Variants in EIF3E observed in about 807,000 individuals in gnomAD.
EIF3E encodes the protein eukaryotic translation initiation factor 3 subunit E.
Under a neutral mutation model 59.3 loss-of-function variants are expected in EIF3E, and 25 were observed. That is an observed-to-expected ratio of 0.42 (90% CI 0.31 to 0.59). The LOEUF (loss-of-function observed/expected upper bound fraction) is 0.59, where lower values mean the gene tolerates loss of function less well. Ranked by LOEUF, EIF3E falls within the 20% of genes least tolerant of loss-of-function variation. The pLI is 0.15. For missense variants in EIF3E, 317 were observed against 534.3 expected (o/e 0.59, Z 4.01); for synonymous variants, 176 against 170.2 (o/e 1.03, Z -0.26).
rs1815251752 is a variant in EIF3E, at chr8:108,213,701, C to T, written c.1061+906G>A. Among the ~76,000 whole-genome samples, 8 of 152,124 alleles carry T rather than the reference C, an allele frequency of 5.3e-5. No homozygotes were observed. In the South Asian group the frequency reaches 1.7e-3, roughly 32 times the overall value. On this transcript the variant is annotated intron_variant, in intron 10 of 12. Transcript: ENST00000220849. ...AACCAATTACATTATTAGGAATTTT[C>T]ATGTAATTTGTAAGAGAATCAGGTT... is the stretch of plus-strand genomic sequence containing the variant.
At chr8:108,215,196 A>T (rs1468704982) in intron 9 of EIF3E, among the ~76,000 whole-genome samples, 4 of 152,156 alleles carry the variant, frequency 2.6e-5, no homozygotes, top group Non-Finnish European at 5.9e-5. Context: ...GTCTTTTAAC[A>T]TCAAAACCTA....
intron 10 of EIF3E, among the ~76,000 whole-genome samples, chr8:108,204,731 G>GTA (rs148053969): frequency 0.2 from 17,074 of 86,360 alleles, 2,059 homozygotes; most frequent in Non-Finnish European, 0.27. Flanking sequence ...TAGTATGTAT[G>GTA]TATATATATA....
chr8:108,230,011 C>A (rs552754325), intron 5 of EIF3E, among the ~76,000 whole-genome samples: 12 of 152,166 alleles, frequency 7.9e-5, no homozygotes, highest in Non-Finnish European at 1.5e-4. Context: ...AAGCTGGACT[C>A]CCTCAAAACA....
chr8:108,229,041 G>A (rs1399454870), intron 6 of EIF3E, 29 bp downstream of exon 6: 1 of 1,574,606 alleles, frequency 6.4e-7, no homozygotes, highest in Admixed American at 1.8e-5. Flanking sequence ...AGATATTTCA[G>A]AGAATAACTG....
chr8:108,201,273 C>G lies in EIF3E; in HGVS notation c.*612G>C, dbSNP rs1425838923. On this transcript the variant is annotated 3_prime_UTR_variant, in exon 13 of 13. Coordinates refer to ENST00000220849, the MANE Select transcript of EIF3E (RefSeq NM_001568.3). Reference sequence around the variant, plus strand: ...ATCATATATATATATATATCTATCTCTCAACTTGGATGGCTCTCAAGAGCA... The same window carrying G: ...ATCATATATATATATATATCTATCTGTCAACTTGGATGGCTCTCAAGAGCA... The G allele has an allele frequency of 2.7e-5, 2 of 73,426 alleles. 1 individual carries two copies. Among genetic ancestry groups the G allele is most frequent in the African/African-American group, 1.2e-4 (2 of 16,228 alleles). 4.5% of individuals were successfully genotyped at this position (73,426 alleles called of 1,614,324 possible).
At chr8:108,202,070 T>C in intron 12 of EIF3E, 147 bp from the exon 13 acceptor site, 4 of 628,532 alleles carry the variant, frequency 6.4e-6, no homozygotes, top group Non-Finnish European at 9.9e-6. Context: ...AATTACTAGA[T>C]GTCAGATGTC....
chr8:108,241,956 C>T, intron 1 of EIF3E, 43 bp from the exon 2 acceptor site: 1 of 1,345,530 alleles, frequency 7.4e-7, no homozygotes, highest in Non-Finnish European at 1.0e-6. Context: ...TTTAAGTTCC[C>T]CAAATAAACT....
In EIF3E at chr8:108,237,905, G is replaced by A. The variant is rs891045592; in HGVS notation, c.324-1702C>T. 2.2e-4 allele frequency among the ~76,000 whole-genome samples: 34 copies of A among 152,044 alleles called. 1 individual carries two copies. The highest frequency in any genetic ancestry group is 8.0e-4 in the African/African-American group (33 of 41,384). On this transcript the variant is annotated intron_variant, in intron 3 of 12. Coordinates refer to ENST00000220849, the MANE Select transcript of EIF3E (RefSeq NM_001568.3). ...TAAAAAGGGTGAATTGTCAGAAAAA[G>A]GTTTTTACATTGAAAATAGGTAGTC...
At chr8:108,247,576 C>T (rs1046232164) in intron 1 of EIF3E, among the ~76,000 whole-genome samples, 4 of 152,144 alleles carry the variant, frequency 2.6e-5, no homozygotes, top group African/African-American at 9.7e-5. Context: ...GAGGATTATA[C>T]CTGTCTAACG....
chr8:108,239,666 G>A (rs1034295273), intron 3 of EIF3E, among the ~76,000 whole-genome samples: 1 of 152,080 alleles, frequency 6.6e-6, no homozygotes. Flanking sequence ...AGTATTTCCA[G>A]ACATTGCCAA....
chr8:108,212,297 C>T (rs915902784), intron 10 of EIF3E, among the ~76,000 whole-genome samples: 1 of 152,146 alleles, frequency 6.6e-6, no homozygotes, highest in African/African-American at 2.4e-5. Flanking sequence ...CCCACTGTCA[C>T]ACAGAGATTT....
At chr8:108,203,287 T>G (rs992446720) in intron 11 of EIF3E, 114 bp downstream of exon 11, 12 of 1,310,690 alleles carry the variant, frequency 9.2e-6, no homozygotes, top group Non-Finnish European at 1.2e-5. Flanking sequence ...AAAGAACTGT[T>G]TTACATTAAA....
At chr8:108,209,630 T>A (rs1384488061) in intron 10 of EIF3E, among the ~76,000 whole-genome samples, 1 of 152,188 alleles carries the variant, frequency 6.6e-6, no homozygotes, top group African/African-American at 2.4e-5. Flanking sequence ...TTAACATCTG[T>A]AATGTTTTCT....
At chr8:108,247,933 G>C (rs909184156) in intron 1 of EIF3E, among the ~76,000 whole-genome samples, 11 of 141,962 alleles carry the variant, frequency 7.7e-5, no homozygotes, top group African/African-American at 2.7e-4. Context: ...ATCTTGAGTA[G>C]ATAATTGAAT....
At position 108,217,963 on chromosome 8, in the gene EIF3E, G is replaced by C. The variant is rs373926924; in HGVS notation, c.723-503C>G. 1.6e-3 allele frequency among the ~76,000 whole-genome samples: 244 copies of C among 152,290 alleles called. 9 individuals are homozygous for C. The South Asian group carries it at 0.048, about 30-fold the overall frequency. On this transcript the variant is annotated intron_variant, in intron 7 of 12. Coordinates refer to ENST00000220849, the MANE Select transcript of EIF3E (RefSeq NM_001568.3). ...ACATTGGTTAAAGTGGTAGCAGTAG[G>C]AATTAGGAAGGAATAGATGTCAGGT...
At chr8:108,239,801 G>C (rs1352539164) in intron 3 of EIF3E, among the ~76,000 whole-genome samples, 157 bp downstream of exon 3, 2 of 151,932 alleles carry the variant, frequency 1.3e-5, no homozygotes, top group Non-Finnish European at 1.5e-5. Context: ...TAATTATACT[G>C]GCCCCTACAA....
At chr8:108,242,306 T>G (rs189543912) in intron 1 of EIF3E, 1 of 1,290,038 alleles carries the variant, frequency 7.8e-7, no homozygotes, top group Admixed American at 2.3e-5. Flanking sequence ...TAATCAGTAA[T>G]AAACTCCTAT....
At chr8:108,236,128 A>G in intron 4 of EIF3E, 33 bp downstream of exon 4, 8 of 1,593,320 alleles carry the variant, frequency 5.0e-6, no homozygotes, top group Non-Finnish European at 6.8e-6. Context: ...TTATTAAAAC[A>G]TGACAACTTT....
rs1207892348 is a variant in EIF3E, at chr8:108,216,294, A to G, written c.951+118T>C. ...AGCCATTTAGGCCTTTTTAAGATTA[A>G]TAAGCATATTTCCGTTATAATTACT... On this transcript the variant is annotated intron_variant, in intron 9 of 12. Coordinates refer to ENST00000220849, the MANE Select transcript of EIF3E (RefSeq NM_001568.3). 4 of 746,594 alleles carry G rather than the reference A, an allele frequency of 5.4e-6. No homozygotes were observed. The African/African-American group carries it at 7.3e-5, about 14-fold the overall frequency. The allele number at this position is 746,594 out of a possible 1,614,324, so 46.2% of individuals were successfully genotyped here.
Sources: allele counts gnomAD v4.1 joint callset (sites outside exome capture counted in the v4.1 genomes callset), GRCh38; gene constraint gnomAD v4.1.1; transcripts MANE v1.5; gene names NCBI Gene and HGNC (gene_info 2026-07-23, HGNC 2026-07-21).